SZT2: variants seen among roughly 807,000 people sequenced by gnomAD.
The protein encoded by SZT2 is KICSTOR complex protein SZT2.
Under a neutral mutation model 404.2 loss-of-function variants are expected in SZT2, and 216 were observed. The observed-to-expected ratio is 0.53, with a 90% CI of 0.48 to 0.60. The LOEUF is 0.60. SZT2 is among the 20% of genes least tolerant of loss of function. The pLI is 0.00. For missense variants in SZT2, 3,857 were observed against 4,459.2 expected (o/e 0.86, Z 3.85); for synonymous variants, 1,693 against 1,749.9 (o/e 0.97, Z 0.81).
At chr1:43,413,707 A>G (rs1651353614) in intron 4 of SZT2, among the ~76,000 whole-genome samples, 1 of 146,590 alleles carries the variant, frequency 6.8e-6, no homozygotes, top group Non-Finnish European at 1.5e-5. Flanking sequence ...AGGCACAGAA[A>G]GACAAACTTG....
chr1:43,397,718 G>T (rs1341571235), intron 1 of SZT2, among the ~76,000 whole-genome samples: 1 of 151,884 alleles, frequency 6.6e-6, no homozygotes, highest in Non-Finnish European at 1.5e-5. Context: ...TGGTAGAGGT[G>T]GGGTTTCGCC....
rs1653126593 is a variant in SZT2, at chr1:43,426,226, AG to A, written c.3043+76del. 6.5e-7 allele frequency: 1 copy of A among 1,539,312 alleles called. No homozygotes were observed. The highest frequency in any genetic ancestry group is 1.4e-5 in the African/African-American group (1 of 73,316). On this transcript the variant is annotated intron_variant, in intron 21 of 71. Coordinates refer to ENST00000634258, the MANE Select transcript of SZT2 (RefSeq NM_001365999.1). This position sits in a 1 kb window ranked among gnomAD's most constrained non-coding sequence, Gnocchi z 4.9. ...CTGGAAGTATTAGAAAATAACAAACAGATGGGTCAGCAAGTGAGCAGATGAG... is the reference window on the plus strand; with the variant it reads ...CTGGAAGTATTAGAAAATAACAAACAATGGGTCAGCAAGTGAGCAGATGAG...
Position 43,437,216 on chromosome 1 carries a change from C to T in SZT2, c.6080C>T (p.Ala2027Val), listed in dbSNP as rs1428235897. The change falls in exon 43 of 72, where the codon GCC (alanine) becomes GTC (valine). Residue 2027 changes from alanine to valine, a missense_variant. By Grantham distance (64) the Ala-to-Val change is moderately conservative (BLOSUM62 0). This residue lies in a region of SZT2 where 1,725 missense variants were observed against 1,881.0 expected (regional missense o/e 0.92). Coordinates refer to ENST00000634258, the MANE Select transcript of SZT2 (RefSeq NM_001365999.1). The surrounding 1 kb of genome is among the most constrained non-coding windows in gnomAD (Gnocchi z 5.3). ...ESCAPRGYLA[A>V]TMQFVPGHFS... ...TGTGCGCCCCGTGGGTACCTGGCAG[C>T]CACAATGCAGTTTGTCCCTGGCCAT... 1.2e-6 allele frequency: 2 copies of T among 1,614,174 alleles called. No individual in the cohort carries two copies. The highest frequency in any genetic ancestry group is 1.1e-5 in the South Asian group (1 of 91,072).
chr1:43,416,920 T>C lies in SZT2; in HGVS notation c.879+279T>C, dbSNP rs191444411. Among the ~76,000 whole-genome samples the C allele has an allele frequency of 7.2e-4, 109 of 152,260 alleles. 1 individual carries two copies. The highest frequency in any genetic ancestry group is 2.4e-3 in the African/African-American group (99 of 41,540). On this transcript the variant is annotated intron_variant, in intron 7 of 71. Coordinates refer to ENST00000634258, the MANE Select transcript of SZT2 (RefSeq NM_001365999.1). ...AGTCCCACCTCCCCTTGTAGATTAG[T>C]CATTATTGTTTTGAGTGCAAGGGTC...
chr1:43,394,114 G>T, intron 1 of SZT2: 1 of 983,086 alleles, frequency 1.0e-6, no homozygotes, highest in Non-Finnish European at 1.2e-6. Context: ...GAGTGTGGAT[G>T]CTCTGAGAAC....
intron 1 of SZT2, among the ~76,000 whole-genome samples, chr1:43,397,270 T>TA (rs1312807953): frequency 6.6e-6 from 1 of 151,340 alleles, no homozygotes; most frequent in Non-Finnish European, 1.5e-5. Flanking sequence ...CTACTGAAAA[T>TA]ACAAAAATTA....
Position 43,427,131 on chromosome 1 carries a change from G to A in SZT2, c.3385G>A (p.Val1129Met). 1 of 1,614,142 alleles carries A rather than the reference G, an allele frequency of 6.2e-7. No homozygotes were observed. The highest frequency in any genetic ancestry group is 8.5e-7 in the Non-Finnish European group (1 of 1,180,018). ...PPQWRCYARLVNPQHVFLTFL... is the reference protein window; with the variant it reads ...PPQWRCYARLMNPQHVFLTFL... Reference sequence around the variant, plus strand: ...TCAGTGGCGCTGCTATGCAAGGCTTGTGAACCCCCAGCATGTGTTTCTGAC... The same window carrying A: ...TCAGTGGCGCTGCTATGCAAGGCTTATGAACCCCCAGCATGTGTTTCTGAC... Residue 1129 changes from valine to methionine, a missense_variant, in exon 24 of 72, where the codon GTG becomes ATG. By Grantham distance (21) the Val-to-Met change is conservative. Coordinates refer to ENST00000634258, the MANE Select transcript of SZT2 (RefSeq NM_001365999.1).
In SZT2 at chr1:43,420,601, C is replaced by A; in HGVS notation, c.1262-148C>A. ...CAAACTTGTGTTTGTGTCAGTGGGC[C>A]AACTCTGGGCCTGAAACCTGTGGAA... On this transcript the variant is annotated intron_variant, in intron 9 of 71. Transcript: ENST00000634258. This position sits in a 1 kb window ranked among gnomAD's most constrained non-coding sequence, Gnocchi z 5.1. 1.1e-6 allele frequency: 1 copy of A among 892,508 alleles called. No homozygotes were observed. The highest frequency in any genetic ancestry group is 1.7e-6 in the Non-Finnish European group (1 of 600,952). The allele number at this position is 892,508 out of a possible 1,614,324, so 55.3% of individuals were successfully genotyped here. A position where few individuals can be genotyped will look rare whatever the true frequency, so the allele number is the denominator to read the frequency against.
Position 43,431,038 on chromosome 1 carries a change from A to C in SZT2, c.4864A>C (p.Thr1622Pro). 6.2e-7 allele frequency: 1 copy of C among 1,614,024 alleles called. No individual in the cohort carries two copies. The highest frequency in any genetic ancestry group is 8.5e-7 in the Non-Finnish European group (1 of 1,179,992). The change falls in exon 33 of 72, where the codon ACT becomes CCT. Residue 1622 changes from threonine (T) to proline (P), a missense_variant. By Grantham distance (38) the Thr-to-Pro change is conservative. This residue lies in a region of SZT2 where 1,725 missense variants were observed against 1,881.0 expected (regional missense o/e 0.92). Coordinates refer to ENST00000634258, the MANE Select transcript of SZT2 (RefSeq NM_001365999.1). ...TGTGACTCTGGATGTCTTCATGCTGACTTTGCCCCTGGAAGTGGAGCTCCC... is the reference window on the plus strand; with the variant it reads ...TGTGACTCTGGATGTCTTCATGCTGCCTTTGCCCCTGGAAGTGGAGCTCCC... Reference protein sequence around the residue: ...LSVTLDVFMLTLPLEVELPTA... With the variant: ...LSVTLDVFMLPLPLEVELPTA...
Position 43,451,355 on chromosome 1 carries a change from A to G in SZT2, c.*875A>G. Reference sequence around the variant, plus strand: ...CTCGGCACCTCAGCCCACAAGGAGAAAACAGCCCCTGTCCGGGTCCCTCCA... The same window carrying G: ...CTCGGCACCTCAGCCCACAAGGAGAGAACAGCCCCTGTCCGGGTCCCTCCA... On this transcript the variant is annotated 3_prime_UTR_variant, in exon 72 of 72. Coordinates refer to ENST00000634258, the MANE Select transcript of SZT2 (RefSeq NM_001365999.1). The G allele has an allele frequency of 1.9e-6, 3 of 1,612,642 alleles. No homozygotes were observed. The Admixed American group carries it at 5.0e-5, about 27-fold the overall frequency.
Position 43,420,645 on chromosome 1 carries a change from G to T in SZT2, c.1262-104G>T. On this transcript the variant is annotated intron_variant, in intron 9 of 71. Transcript: ENST00000634258. The surrounding 1 kb of genome is among the most constrained non-coding windows in gnomAD (Gnocchi z 5.1). ...TGTGGAACCATGCTTGGAACCTTTGGCAGGACTGGGTTCCATGAGGTAGGT... is the reference window on the plus strand; with the variant it reads ...TGTGGAACCATGCTTGGAACCTTTGTCAGGACTGGGTTCCATGAGGTAGGT... 1 of 1,135,930 alleles carries T rather than the reference G, an allele frequency of 8.8e-7. No homozygotes were observed. Among genetic ancestry groups the T allele is most frequent in the Non-Finnish European group, 1.2e-6 (1 of 804,892 alleles). 70.4% of individuals were successfully genotyped at this position (1,135,930 alleles called of 1,614,324 possible). A position where few individuals can be genotyped will look rare whatever the true frequency, so the allele number is the denominator to read the frequency against.
In SZT2 at chr1:43,453,146, C is replaced by T; in HGVS notation, c.*2666C>T. The T allele has an allele frequency of 1.5e-6, 1 of 674,240 alleles. No homozygotes were observed. The highest frequency in any genetic ancestry group is 2.2e-5 in the Admixed American group (1 of 44,840). The allele number at this position is 674,240 out of a possible 1,614,324, so 41.8% of individuals were successfully genotyped here. A position where few individuals can be genotyped will look rare whatever the true frequency, so the allele number is the denominator to read the frequency against. On this transcript the variant is annotated 3_prime_UTR_variant, in exon 72 of 72. Transcript: ENST00000634258. ...TGTATATATTTACTCTCCTATCTGC[C>T]TAGGCAGACTGAGCTCCCAGCATGG...
At chr1:43,409,103 G>A (rs939534511) in intron 4 of SZT2, among the ~76,000 whole-genome samples, 3 of 152,172 alleles carry the variant, frequency 2.0e-5, no homozygotes, top group Non-Finnish European at 2.9e-5. Context: ...AGAGACAAAA[G>A]GCTCAAGATT....
chr1:43,390,899 A>G (rs1342377149), intron 1 of SZT2, among the ~76,000 whole-genome samples: 4 of 152,260 alleles, frequency 2.6e-5, no homozygotes, highest in African/African-American at 9.6e-5. Flanking sequence ...ATTACTGCAT[A>G]CATACTGCAT....
At chr1:43,444,800 T>C (rs1655485999) in intron 62 of SZT2, among the ~76,000 whole-genome samples, 1 of 152,240 alleles carries the variant, frequency 6.6e-6, no homozygotes, top group Admixed American at 6.5e-5. Context: ...AAAAATGAGC[T>C]GTTCACCTTA....
Position 43,443,258 on chromosome 1 carries a change from G to GTGAC in SZT2, c.8490_8491insTGAC (p.Pro2831Ter). On this transcript the variant is annotated stop_gained and frameshift_variant, in exon 60 of 72. Transcript: ENST00000634258. LOFTEE classifies it high-confidence loss of function. ...AGCAGCGTTCTACCCCAGCCACCATGCCCATCAGTGTGAGTGACCCCAGCT... is the reference window on the plus strand; with the variant it reads ...AGCAGCGTTCTACCCCAGCCACCATGTGACCCCATCAGTGTGAGTGACCCCAGCT... The GTGAC allele has an allele frequency of 6.2e-7, 1 of 1,614,186 alleles. No homozygotes were observed. The highest frequency in any genetic ancestry group is 8.5e-7 in the Non-Finnish European group (1 of 1,180,020).
At position 43,452,360 on chromosome 1, in the gene SZT2, C is replaced by G. The variant is rs748315953; in HGVS notation, c.*1880C>G. ...ACTGGAGGCCTTGCCTCCCTTGGCT[C>G]TCTCTGCACCTCTTCCAGGATTCCC... On this transcript the variant is annotated 3_prime_UTR_variant, in exon 72 of 72. Coordinates refer to ENST00000634258, the MANE Select transcript of SZT2 (RefSeq NM_001365999.1). 1 of 1,458,264 alleles carries G rather than the reference C, an allele frequency of 6.9e-7. No homozygotes were observed. The highest frequency in any genetic ancestry group is 9.6e-7 in the Non-Finnish European group (1 of 1,046,258). The allele number at this position is 1,458,264 out of a possible 1,614,324, so 90.3% of individuals were successfully genotyped here.
In SZT2 at chr1:43,421,252, C is replaced by T. The variant is rs1416268849; in HGVS notation, c.1575C>T (p.Ser525=). The change falls in exon 11 of 72, where the codon AGC becomes AGT. Residue 525 remains serine (S), a synonymous_variant. Transcript: ENST00000634258. ...CTGAGCATTTCACGCTTCCTGACAGCACCAAGAGCGGAGTGCCACTCTTCT... is the reference window on the plus strand; with the variant it reads ...CTGAGCATTTCACGCTTCCTGACAGTACCAAGAGCGGAGTGCCACTCTTCT... The part of the protein sequence containing the change: ...SVPEHFTLPD[S]TKSGVPLFYI... 1.3e-6 allele frequency: 2 copies of T among 1,598,494 alleles called. No individual in the cohort carries two copies. Among genetic ancestry groups the T allele is most frequent in the East Asian group, 4.5e-5 (2 of 44,894 alleles).
chr1:43,414,700 TAAA>T (rs1005087629), intron 4 of SZT2, among the ~76,000 whole-genome samples: 2 of 151,982 alleles, frequency 1.3e-5, no homozygotes, highest in Middle Eastern at 3.2e-3. Context: ...AAAAAAGCAT[TAAA>T]AAGTATGAGA....
Sources: allele counts gnomAD v4.1 joint callset (sites outside exome capture counted in the v4.1 genomes callset), GRCh38; gene constraint gnomAD v4.1.1; regional missense constraint gnomAD v4.1.1; non-coding constraint Gnocchi (gnomAD v3.1); transcripts MANE v1.5; gene names NCBI Gene and HGNC (gene_info 2026-07-23, HGNC 2026-07-21).